SORCS1: variants seen among roughly 807,000 people sequenced by gnomAD.
The protein encoded by SORCS1 is sortilin related VPS10 domain containing receptor 1, also known as VPS10 domain-containing receptor SorCS1.
A neutral mutation model predicts 146.1 loss-of-function variants in SORCS1; 60 were observed. That is an observed-to-expected ratio of 0.41 (90% confidence interval 0.33 to 0.51). The LOEUF (loss-of-function observed/expected upper bound fraction) is 0.51, where lower values mean the gene tolerates loss of function less well. Among genes scored for constraint, SORCS1 ranks in the 20% least tolerant of loss-of-function variants. SORCS1 has a pLI of 0.21. For synonymous variants in SORCS1, 637 were observed against 584.0 expected, an observed-to-expected ratio of 1.09 and a Z score of -1.31; for missense variants, 1,352 against 1,487.6, an observed-to-expected ratio of 0.91 and a Z score of 1.50.
chr10:106,744,315 C>T (rs911348790), intron 5 of SORCS1, among the ~76,000 whole-genome samples: 5 of 152,250 alleles, frequency 3.3e-5, no homozygotes, highest in Admixed American at 2.6e-4. Flanking sequence ...CCGTGTTAGC[C>T]AGGATGGTCT....
intron 2 of SORCS1, among the ~76,000 whole-genome samples, chr10:106,837,288 G>C (rs142458563): frequency 6.6e-6 from 1 of 152,058 alleles, no homozygotes; most frequent in Non-Finnish European, 1.5e-5. Context: ...AGAAAAAATA[G>C]AAAAGAGGCA....
chr10:106,675,640 C>T (rs1309359963), intron 13 of SORCS1, among the ~76,000 whole-genome samples: 1 of 152,142 alleles, frequency 6.6e-6, no homozygotes, highest in Non-Finnish European at 1.5e-5. Flanking sequence ...TGAATGAGTA[C>T]AAGATAGGCT....
chr10:106,655,633 G>A (rs370147771), intron 17 of SORCS1, among the ~76,000 whole-genome samples: 1 of 151,928 alleles, frequency 6.6e-6, no homozygotes, highest in Admixed American at 6.6e-5. Context: ...CCATCCCCCC[G>A]GGACTATGCC....
intron 6 of SORCS1, among the ~76,000 whole-genome samples, chr10:106,722,031 A>G (rs989169641): frequency 2.0e-5 from 3 of 151,992 alleles, no homozygotes; most frequent in African/African-American, 7.2e-5. Context: ...TTCAACAAGA[A>G]CATGCGTGTA....
intron 2 of SORCS1, among the ~76,000 whole-genome samples, chr10:106,953,391 G>A (rs1954791958): frequency 1.3e-5 from 2 of 151,946 alleles, no homozygotes; most frequent in East Asian, 3.9e-4. Context: ...GTAAATAATT[G>A]CTATACTGTA....
rs765803308 is a variant in SORCS1, at chr10:106,706,526, A to G, written c.1233+19T>C. ...AATGAGAGTCAAGAGTGAAATGAAG[A>G]AAGTGATTTAGGCCATACCTTGGGC... On this transcript the variant is annotated intron_variant, in intron 8 of 25. Coordinates refer to ENST00000263054, the MANE Select transcript of SORCS1 (RefSeq NM_052918.5). 1 of 1,612,232 alleles carries G rather than the reference A, an allele frequency of 6.2e-7. No individual in the cohort carries two copies. The highest frequency in any genetic ancestry group is 8.5e-7 in the Non-Finnish European group (1 of 1,178,302).
At chr10:107,161,238 A>G (rs1969680337) in intron 1 of SORCS1, among the ~76,000 whole-genome samples, 1 of 152,210 alleles carries the variant, frequency 6.6e-6, no homozygotes, top group African/African-American at 2.4e-5. Flanking sequence ...TTGCACCTTG[A>G]ATGCAGGTGT....
intron 3 of SORCS1, among the ~76,000 whole-genome samples, chr10:106,795,064 T>G (rs1440095120): frequency 6.6e-6 from 1 of 152,234 alleles, no homozygotes; most frequent in Non-Finnish European, 1.5e-5. Context: ...GTGTTCATTA[T>G]GATTTGATGG....
chr10:106,609,566 A>G lies in SORCS1; in HGVS notation c.3034-2269T>C, dbSNP rs116765988. 1.1e-3 allele frequency among the ~76,000 whole-genome samples: 175 copies of G among 152,318 alleles called. 2 individuals are homozygous for G. The highest frequency in any genetic ancestry group is 3.9e-3 in the African/African-American group (162 of 41,574). On this transcript the variant is annotated intron_variant, in intron 22 of 25. Transcript: ENST00000263054. Reference sequence around the variant, plus strand: ...TCAAAGTCAGTGCAAATTGCTAGGAACCAAGCTCTGCATCAACTGCTTCTT... The same window carrying G: ...TCAAAGTCAGTGCAAATTGCTAGGAGCCAAGCTCTGCATCAACTGCTTCTT...
chr10:106,986,165 G>C (rs1956460216), intron 1 of SORCS1, among the ~76,000 whole-genome samples: 1 of 151,866 alleles, frequency 6.6e-6, no homozygotes, highest in African/African-American at 2.4e-5. Flanking sequence ...AATGAGTTAA[G>C]TTTTTTGAAA....
chr10:106,883,255 A>C (rs1271626091), intron 2 of SORCS1, among the ~76,000 whole-genome samples: 4 of 152,146 alleles, frequency 2.6e-5, no homozygotes, highest in African/African-American at 9.7e-5. Flanking sequence ...ATGACGGGTG[A>C]GGTTTATAAG....
chr10:106,922,128 C>T (rs1952744431), intron 2 of SORCS1, among the ~76,000 whole-genome samples: 1 of 152,216 alleles, frequency 6.6e-6, no homozygotes, highest in African/African-American at 2.4e-5. Flanking sequence ...ACAAAGCTTA[C>T]ATTAGAGCTT....
chr10:106,961,845 A>G (rs1183041538), intron 1 of SORCS1, among the ~76,000 whole-genome samples: 3 of 152,222 alleles, frequency 2.0e-5, no homozygotes, highest in Non-Finnish European at 4.4e-5. Flanking sequence ...CAAACAGCCC[A>G]TACACTGCTA....
chr10:106,966,176 T>C (rs1955486972), intron 1 of SORCS1, among the ~76,000 whole-genome samples: 1 of 152,314 alleles, frequency 6.6e-6, no homozygotes, highest in Middle Eastern at 3.4e-3. Context: ...ACACTCTTTT[T>C]GAGTTATCAA....
intron 1 of SORCS1, among the ~76,000 whole-genome samples, chr10:107,013,491 A>G (rs970474101): frequency 2.0e-5 from 3 of 151,514 alleles, no homozygotes; most frequent in Non-Finnish European, 4.4e-5. Flanking sequence ...GGCTAATAAG[A>G]GACCATTGTC....
At chr10:107,179,759 T>C in the SORCS1 span, among the ~76,000 whole-genome samples, 2 of 152,158 alleles carry the variant, frequency 1.3e-5, no homozygotes, top group African/African-American at 4.8e-5. Context: ...TCTAATTAAA[T>C]TGTTTGATTT....
At chr10:107,095,622 G>A (rs542111026) in intron 1 of SORCS1, among the ~76,000 whole-genome samples, 7 of 152,144 alleles carry the variant, frequency 4.6e-5, no homozygotes, top group African/African-American at 1.7e-4. Context: ...GCAGTATTCA[G>A]TTATGCAGAA....
At chr10:106,929,771 G>A (rs143804505) in intron 2 of SORCS1, among the ~76,000 whole-genome samples, 3 of 115,088 alleles carry the variant, frequency 2.6e-5, no homozygotes, top group Non-Finnish European at 3.9e-5. Context: ...GCATGTGCAC[G>A]TGCACACACA....
Position 106,597,382 on chromosome 10 carries a change from T to C in SORCS1, c.3234A>G (p.Arg1078=). 1 of 1,614,040 alleles carries C rather than the reference T, an allele frequency of 6.2e-7. No homozygotes were observed. The highest frequency in any genetic ancestry group is 8.5e-7 in the Non-Finnish European group (1 of 1,179,910). The change falls in exon 24 of 26, where the codon CGA becomes CGG. Residue 1078 remains arginine (R), a synonymous_variant. Coordinates refer to ENST00000263054, the MANE Select transcript of SORCS1 (RefSeq NM_052918.5). ...SVHFELKPGV[R]VLVHAAHLTA... is the part of the protein sequence containing the mutation. Reference sequence around the variant, plus strand: ...TTAAGTGAGCAGCATGGACAAGGACTCGGACTCCTGGCTTCAGCTCGAAGT... The same window carrying C: ...TTAAGTGAGCAGCATGGACAAGGACCCGGACTCCTGGCTTCAGCTCGAAGT...
Sources: allele counts gnomAD v4.1 joint callset (sites outside exome capture counted in the v4.1 genomes callset), GRCh38; gene constraint gnomAD v4.1.1; transcripts MANE v1.5; gene names NCBI Gene and HGNC (gene_info 2026-07-23, HGNC 2026-07-21).